The following CFAP299 variants were observed in gnomAD, a reference collection of about 807,000 sequenced individuals.
The protein encoded by CFAP299 is cilia- and flagella-associated protein 299.
CFAP299 carries 21 observed loss-of-function variants against 27.0 expected under a neutral mutation model. That is an observed-to-expected ratio of 0.78 (90% CI 0.55 to 1.12). The LOEUF (loss-of-function observed/expected upper bound fraction) is 1.12. Among genes scored for constraint, CFAP299 ranks in the 50% most tolerant of loss-of-function variants. The pLI is 0.00. For missense variants in CFAP299, 310 were observed against 276.6 expected, an observed-to-expected ratio of 1.12 and a Z score of -0.86; for synonymous variants, 104 against 98.1, an observed-to-expected ratio of 1.06 and a Z score of -0.36.
chr4:80,932,477 C>T (rs1736670688), intron 4 of CFAP299, among the ~76,000 whole-genome samples: 1 of 151,870 alleles, frequency 6.6e-6, no homozygotes, highest in Admixed American at 6.6e-5. Flanking sequence ...AAAAATTAGC[C>T]TATTACAGAA....
In CFAP299 at chr4:80,799,854, TA is replaced by T. The variant is rs1218306712; in HGVS notation, c.334-70136del. Among the ~76,000 whole-genome samples the T allele has an allele frequency of 8.3e-3, 291 of 35,004 alleles. 2 individuals carry two copies. Among genetic ancestry groups the T allele is most frequent in the African/African-American group, 0.03 (215 of 7,210 alleles). 23.0% of individuals were successfully genotyped at this position (35,004 alleles called of 152,430 possible). On this transcript the variant is annotated intron_variant, in intron 3 of 5. Coordinates refer to ENST00000358105, the MANE Select transcript of CFAP299 (RefSeq NM_152770.3). Reference sequence around the variant, plus strand: ...TTTATATATTATATTATATAATATATAAATATATATTATATATATTATATTA... The same window carrying T: ...TTTATATATTATATTATATAATATATAATATATATTATATATATTATATTA...
intron 3 of CFAP299, among the ~76,000 whole-genome samples, chr4:80,645,693 C>G (rs977374006): frequency 6.6e-6 from 1 of 152,136 alleles, no homozygotes; most frequent in Non-Finnish European, 1.5e-5. Flanking sequence ...AAAGGAAGAA[C>G]TGATAGAACT....
intron 2 of CFAP299, among the ~76,000 whole-genome samples, chr4:80,413,837 G>A (rs989941910): frequency 8.3e-6 from 1 of 120,688 alleles, no homozygotes; most frequent in East Asian, 2.6e-4. Flanking sequence ...GCAGTGTTTT[G>A]TCTTTCTGTC....
At chr4:80,553,986 T>G (rs1297460743) in intron 2 of CFAP299, among the ~76,000 whole-genome samples, 1 of 152,202 alleles carries the variant, frequency 6.6e-6, no homozygotes, top group Admixed American at 6.5e-5. Flanking sequence ...GTAGAAGGTC[T>G]TATGTTTAAT....
At chr4:80,733,386 G>T (rs981753828) in intron 3 of CFAP299, among the ~76,000 whole-genome samples, 6 of 152,026 alleles carry the variant, frequency 3.9e-5, no homozygotes, top group Non-Finnish European at 5.9e-5. Flanking sequence ...TTTGGTACAG[G>T]TATGCAATGC....
At chr4:80,803,584 G>A (rs1201620584) in intron 3 of CFAP299, among the ~76,000 whole-genome samples, 2 of 151,780 alleles carry the variant, frequency 1.3e-5, no homozygotes, top group African/African-American at 2.4e-5. Flanking sequence ...TTATAGACCA[G>A]CTTCCTCCAA....
chr4:80,443,768 A>C (rs562594091), intron 2 of CFAP299, among the ~76,000 whole-genome samples: 93 of 152,180 alleles, frequency 6.1e-4, no homozygotes, highest in Non-Finnish European at 1.2e-3. Context: ...ACATGATTGT[A>C]TATTTAGACA....
At chr4:80,724,163 T>C (rs937009410) in intron 3 of CFAP299, among the ~76,000 whole-genome samples, 1 of 152,134 alleles carries the variant, frequency 6.6e-6, no homozygotes, top group African/African-American at 2.4e-5. Context: ...TGTATTGTAT[T>C]TGGTAAAACT....
At position 80,515,360 on chromosome 4, in the gene CFAP299, C is replaced by A. The variant is rs986294069; in HGVS notation, c.243-67733C>A. On this transcript the variant is annotated intron_variant, in intron 2 of 5. Coordinates refer to ENST00000358105, the MANE Select transcript of CFAP299 (RefSeq NM_152770.3). ...TTACAGAAAATATCAACATTATTAT[C>A]CAAGCTGGCTGTCTTAATTAATCTA... Among the ~76,000 whole-genome samples the A allele has an allele frequency of 2.0e-5, 3 of 152,246 alleles. No individual in the cohort carries two copies. The East Asian group carries it at 5.8e-4, about 29-fold the overall frequency.
intron 2 of CFAP299, among the ~76,000 whole-genome samples, chr4:80,539,133 T>C (rs992736847): frequency 2.0e-5 from 3 of 152,250 alleles, no homozygotes; most frequent in Non-Finnish European, 4.4e-5. Flanking sequence ...TTGGTCATTT[T>C]TCACGTTTGT....
chr4:80,467,262 A>G (rs933038692), intron 2 of CFAP299, among the ~76,000 whole-genome samples: 1 of 152,220 alleles, frequency 6.6e-6, no homozygotes, highest in Non-Finnish European at 1.5e-5. Flanking sequence ...TGACTTTCCC[A>G]TTCCCACCCT....
At chr4:80,904,290 A>T (rs888847865) in intron 4 of CFAP299, among the ~76,000 whole-genome samples, 3 of 152,154 alleles carry the variant, frequency 2.0e-5, no homozygotes, top group Admixed American at 6.6e-5. Flanking sequence ...GTCAAATAAG[A>T]TTGGGAATAG....
chr4:80,902,602 C>T (rs1383198859), intron 4 of CFAP299, among the ~76,000 whole-genome samples: 3 of 146,886 alleles, frequency 2.0e-5, no homozygotes, highest in Non-Finnish European at 3.0e-5. Context: ...CACACACACA[C>T]ACACACACAC....
At chr4:80,655,484 G>A (rs984886275) in intron 3 of CFAP299, among the ~76,000 whole-genome samples, 5 of 152,122 alleles carry the variant, frequency 3.3e-5, no homozygotes, top group African/African-American at 1.2e-4. Flanking sequence ...GGTATGGTAA[G>A]TGGGTCCTGC....
Position 80,363,943 on chromosome 4 carries a change from C to T in CFAP299, c.242+1059C>T, listed in dbSNP as rs143715731. On this transcript the variant is annotated intron_variant, in intron 2 of 5. Transcript: ENST00000358105. Reference sequence around the variant, plus strand: ...CTCTACTAAAAATACAAAAAATTAGCTGGCGTGGTGGTGGGAGCCTGTAGT... The same window carrying T: ...CTCTACTAAAAATACAAAAAATTAGTTGGCGTGGTGGTGGGAGCCTGTAGT... 1.7e-4 allele frequency among the ~76,000 whole-genome samples: 26 copies of T among 152,028 alleles called. 2 individuals are homozygous for T. The East Asian group carries it at 5.0e-3, about 29-fold the overall frequency.
intron 2 of CFAP299, among the ~76,000 whole-genome samples, chr4:80,580,812 G>A (rs1736126106): frequency 2.0e-5 from 3 of 151,934 alleles, no homozygotes; most frequent in Admixed American, 1.3e-4. Flanking sequence ...TGCTTTGGCT[G>A]AGAAAATATG....
At chr4:80,893,696 C>G (rs1215434414) in intron 4 of CFAP299, among the ~76,000 whole-genome samples, 2 of 149,938 alleles carry the variant, frequency 1.3e-5, no homozygotes, top group Non-Finnish European at 3.0e-5. Context: ...CCTTATCTTG[C>G]AATGTATATA....
At chr4:80,632,927 C>T (rs1739285611) in intron 3 of CFAP299, among the ~76,000 whole-genome samples, 1 of 152,062 alleles carries the variant, frequency 6.6e-6, no homozygotes, top group Non-Finnish European at 1.5e-5. Flanking sequence ...ACAATCTTAT[C>T]ATCCTGAAAA....
chr4:80,770,178 G>A lies in CFAP299; in HGVS notation c.334-99815G>A, dbSNP rs972896755. Among the ~76,000 whole-genome samples, 34 of 152,104 alleles carry A rather than the reference G, an allele frequency of 2.2e-4. 1 individual carries two copies. The highest frequency in any genetic ancestry group is 4.3e-4 in the Non-Finnish European group (29 of 68,024). ...TTCTCGAGGACTTTGTGGGCCTTAC[G>A]TATAGATTTCCATCTATAGATTTTT... On this transcript the variant is annotated intron_variant, in intron 3 of 5. Transcript: ENST00000358105.
Sources: allele counts gnomAD v4.1 joint callset (sites outside exome capture counted in the v4.1 genomes callset), GRCh38; gene constraint gnomAD v4.1.1; transcripts MANE v1.5; gene names NCBI Gene and HGNC (gene_info 2026-07-23, HGNC 2026-07-21).